Variants in PHF14 observed in about 807,000 individuals in gnomAD.
PHF14 encodes PHD finger protein 14.
PHF14 carries 55 observed loss-of-function variants against 117.9 expected under a neutral mutation model. The ratio of observed to expected loss-of-function variants is 0.47; its 90% CI spans 0.38 to 0.58. The LOEUF (loss-of-function observed/expected upper bound fraction) is 0.58. Among genes scored for constraint, PHF14 ranks in the 20% least tolerant of loss-of-function variants. PHF14 has a pLI of 0.00. For synonymous variants in PHF14, 409 were observed against 368.6 expected, an observed-to-expected ratio of 1.11 and a Z score of -1.26; for missense variants, 978 against 1,122.2, an observed-to-expected ratio of 0.87 and a Z score of 1.84.
intron 4 of PHF14, among the ~76,000 whole-genome samples, chr7:10,991,425 C>A (rs889847668): frequency 5.9e-5 from 9 of 152,008 alleles, no homozygotes; most frequent in Non-Finnish European, 1.2e-4. Flanking sequence ...ATCCACCCGC[C>A]TTGGCCACCC....
intron 4 of PHF14, among the ~76,000 whole-genome samples, chr7:11,000,301 T>TGATGTGGA (rs534454603): frequency 2.0e-4 from 30 of 151,810 alleles, no homozygotes; most frequent in African/African-American, 6.7e-4. Context: ...TTCTGTTGTA[T>TGATGTGGA]GATGTGGAGT....
intron 13 of PHF14, among the ~76,000 whole-genome samples, chr7:11,045,704 G>T (rs1784641058): frequency 6.6e-6 from 1 of 152,154 alleles, no homozygotes; most frequent in African/African-American, 2.4e-5. Flanking sequence ...AGAAAAGATG[G>T]ATACAGATAC....
chr7:11,072,345 AC>A (rs1163480831), intron 16 of PHF14, among the ~76,000 whole-genome samples: 1 of 152,058 alleles, frequency 6.6e-6, no homozygotes. Flanking sequence ...TGAGAAATCT[AC>A]CCCCGTGATC....
chr7:11,040,420 A>G lies in PHF14; in HGVS notation c.2077-252A>G, dbSNP rs186619014. 5.9e-5 allele frequency among the ~76,000 whole-genome samples: 9 copies of G among 152,210 alleles called. No homozygotes were observed. The East Asian group carries it at 1.7e-3, about 29-fold the overall frequency. ...TATGTGTCTTTGTCTTTGAAAGCTG[A>G]AATAGAAGTTTAATTTTTATGTTTT... On this transcript the variant is annotated intron_variant, in intron 11 of 17. Coordinates refer to ENST00000634607, the MANE Select transcript of PHF14 (RefSeq NM_001007157.2).
In PHF14 at chr7:11,169,421, T is replaced by A; in HGVS notation, c.2778T>A (p.Asp926Glu). The A allele has an allele frequency of 1.4e-6, 2 of 1,427,274 alleles. No individual in the cohort carries two copies. Among genetic ancestry groups the A allele is most frequent in the East Asian group, 2.4e-5 (1 of 42,324 alleles). The allele number at this position is 1,427,274 out of a possible 1,614,324, so 88.4% of individuals were successfully genotyped here. Reference sequence around the variant, plus strand: ...TTCTAAAATTTATTTCACAGGAAGATGAAAATGAAGCTGAAAGAAAAAATA... The same window carrying A: ...TTCTAAAATTTATTTCACAGGAAGAAGAAAATGAAGCTGAAAGAAAAAATA... The part of the protein sequence containing the change: ...QECDSSSSKE[D>E]ENEAERKNIS... The change falls in exon 18 of 18, where the codon GAT becomes GAA. Residue 926 changes from aspartate to glutamate, a missense_variant. By Grantham distance (45) the Asp-to-Glu change is conservative. This residue lies in a region of PHF14 where 180 missense variants were observed against 195.4 expected (regional missense o/e 0.92). Coordinates refer to ENST00000634607, the MANE Select transcript of PHF14 (RefSeq NM_001007157.2).
intron 2 of PHF14, among the ~76,000 whole-genome samples, chr7:10,976,721 G>A (rs1488199587): frequency 6.6e-6 from 1 of 151,668 alleles, no homozygotes. Context: ...AATTATAGTT[G>A]AAGAGAACTG....
intron 17 of PHF14, among the ~76,000 whole-genome samples, chr7:11,159,073 C>A (rs1014281796): frequency 6.6e-6 from 1 of 151,948 alleles, no homozygotes; most frequent in Non-Finnish European, 1.5e-5. Context: ...TATTTTATAT[C>A]TTAATGCAAA....
chr7:11,080,095 T>C (rs1232701571), intron 16 of PHF14, among the ~76,000 whole-genome samples: 1 of 152,110 alleles, frequency 6.6e-6, no homozygotes, highest in African/African-American at 2.4e-5. Flanking sequence ...CCACGTAAAA[T>C]GAGTTCAAAG....
intron 16 of PHF14, among the ~76,000 whole-genome samples, chr7:11,074,625 C>T (rs1317871676): frequency 6.6e-6 from 1 of 152,162 alleles, no homozygotes; most frequent in East Asian, 1.9e-4. Context: ...CTACCAGAAA[C>T]CTGTGTTATC....
intron 17 of PHF14, among the ~76,000 whole-genome samples, chr7:11,134,347 T>C (rs747509095): frequency 5.3e-5 from 8 of 152,042 alleles, no homozygotes; most frequent in Non-Finnish European, 8.8e-5. Context: ...ACCTGAAATA[T>C]CATTTAGAGA....
chr7:11,087,317 G>A (rs546371984), intron 16 of PHF14, among the ~76,000 whole-genome samples: 15 of 151,896 alleles, frequency 9.9e-5, no homozygotes, highest in South Asian at 6.2e-4. Context: ...CCAGCCTCCC[G>A]AGTAGCTGGG....
At chr7:10,998,853 A>G (rs1782757091) in intron 4 of PHF14, among the ~76,000 whole-genome samples, 1 of 152,180 alleles carries the variant, frequency 6.6e-6, no homozygotes, top group Non-Finnish European at 1.5e-5. Context: ...TATAATGCTG[A>G]GTACCATCTC....
intron 16 of PHF14, chr7:11,103,993 TG>T (rs1442215921): frequency 4.1e-6 from 4 of 984,920 alleles, no homozygotes; most frequent in Non-Finnish European, 4.8e-6. Context: ...TTACTGTTGC[TG>T]AACTCTGGCT....
At chr7:11,131,372 T>C (rs888671688) in intron 17 of PHF14, among the ~76,000 whole-genome samples, 1 of 151,948 alleles carries the variant, frequency 6.6e-6, no homozygotes, top group African/African-American at 2.4e-5. Context: ...ATGTGGGAAG[T>C]AGTTTTCATT....
intron 17 of PHF14, among the ~76,000 whole-genome samples, chr7:11,112,372 A>G (rs1787476584): frequency 6.6e-6 from 1 of 152,214 alleles, no homozygotes. Context: ...GATTTGCTTC[A>G]GCTTACCACA....
At chr7:11,033,178 C>G (rs922750263) in intron 7 of PHF14, among the ~76,000 whole-genome samples, 3 of 152,166 alleles carry the variant, frequency 2.0e-5, no homozygotes, top group Admixed American at 2.0e-4. Flanking sequence ...TCCATGTCAA[C>G]CAATGCATTA....
At chr7:11,076,906 C>T (rs1785877707) in intron 16 of PHF14, among the ~76,000 whole-genome samples, 1 of 150,546 alleles carries the variant, frequency 6.6e-6, no homozygotes, top group Non-Finnish European at 1.5e-5. Flanking sequence ...AAAATTACAC[C>T]TTTTTCAGAT....
chr7:11,151,955 C>T (rs1788713917), intron 17 of PHF14, among the ~76,000 whole-genome samples: 1 of 152,100 alleles, frequency 6.6e-6, no homozygotes, highest in Non-Finnish European at 1.5e-5. Flanking sequence ...TCTGTATCCT[C>T]ATAAGATTTA....
rs114264484 is a variant in PHF14 at position 10,987,018 on chromosome 7, A to G, written c.901-3685A>G. Among the ~76,000 whole-genome samples the G allele has an allele frequency of 3.0e-3, 462 of 152,278 alleles. 1 individual carries two copies. Among genetic ancestry groups the G allele is most frequent in the African/African-American group, 0.011 (447 of 41,554 alleles). On this transcript the variant is annotated intron_variant, in intron 3 of 17. Transcript: ENST00000634607. ...TAAAAGTCTCCGTTAAGTACATTAG[A>G]TGTCATGTTGAGAAATGGCAATTGT... is the stretch of plus-strand genomic sequence containing the variant.
Sources: allele counts gnomAD v4.1 joint callset (sites outside exome capture counted in the v4.1 genomes callset), GRCh38; gene constraint gnomAD v4.1.1; regional missense constraint gnomAD v4.1.1; transcripts MANE v1.5; gene names NCBI Gene and HGNC (gene_info 2026-07-23, HGNC 2026-07-21).